SHANK2: variants seen among roughly 807,000 people sequenced by gnomAD.
SHANK2 encodes the protein SH3 and multiple ankyrin repeat domains 2.
SHANK2 carries 43 observed loss-of-function variants against 133.7 expected under a neutral mutation model. The ratio of observed to expected loss-of-function variants is 0.32; its 90% confidence interval spans 0.25 to 0.41. The LOEUF (loss-of-function observed/expected upper bound fraction) is 0.41. Among genes scored for constraint, SHANK2 ranks in the 10% least tolerant of loss-of-function variants. SHANK2 has a pLI of 1.00. For synonymous variants in SHANK2, 1,017 were observed against 952.8 expected, an observed-to-expected ratio of 1.07 and a Z score of -1.24; for missense variants, 1,994 against 2,235.8, an observed-to-expected ratio of 0.89 and a Z score of 2.18.
chr11:71,057,707 T>G, intron 9 of SHANK2, among the ~76,000 whole-genome samples: 1 of 151,296 alleles, frequency 6.6e-6, no homozygotes, highest in Non-Finnish European at 1.5e-5. Context: ...TGTGCCACCA[T>G]GCCCAGCTAA....
intron 14 of SHANK2, among the ~76,000 whole-genome samples, chr11:70,777,461 GC>G (rs1947391133): frequency 6.7e-6 from 1 of 148,608 alleles, no homozygotes; most frequent in South Asian, 2.2e-4. Flanking sequence ...TTCCAACCCT[GC>G]TAGCCCATTC....
rs1461670515 is a variant in SHANK2, at chr11:71,091,156, G to A, written c.912+1266C>T. 2.0e-5 allele frequency among the ~76,000 whole-genome samples: 3 copies of A among 152,106 alleles called. No homozygotes were observed. In the South Asian group the frequency reaches 6.2e-4, roughly 32 times the overall value. Reference sequence around the variant, plus strand: ...CAATAATGACAAGAAATCTCATGGCGGGTGCATGGAAGAGGACTTCCAAAG... The same window carrying A: ...CAATAATGACAAGAAATCTCATGGCAGGTGCATGGAAGAGGACTTCCAAAG... On this transcript the variant is annotated intron_variant, in intron 8 of 25. Transcript: ENST00000601538.
chr11:70,917,121 A>T (rs1950282135), intron 10 of SHANK2, among the ~76,000 whole-genome samples: 1 of 152,222 alleles, frequency 6.6e-6, no homozygotes, highest in Admixed American at 6.5e-5. Flanking sequence ...TGTCAGCTGA[A>T]CATCCCAGCC....
chr11:70,476,115 G>C (rs2058659859), intron 25 of SHANK2, among the ~76,000 whole-genome samples: 1 of 151,910 alleles, frequency 6.6e-6, no homozygotes, highest in Non-Finnish European at 1.5e-5. Context: ...TGTAATCCCA[G>C]CTACTGGGAG....
intron 15 of SHANK2, among the ~76,000 whole-genome samples, chr11:70,684,456 A>C (rs1232502054): frequency 1.3e-5 from 2 of 152,072 alleles, no homozygotes; most frequent in African/African-American, 4.8e-5. Context: ...GCTACTTGGG[A>C]GGCTGAGGTG....
intron 14 of SHANK2, among the ~76,000 whole-genome samples, chr11:70,707,320 C>T (rs552949857): frequency 1.4e-5 from 2 of 138,968 alleles, no homozygotes; most frequent in African/African-American, 5.5e-5. Context: ...TGCAGTGAGC[C>T]GAGATTGTGC....
rs574582281 is a variant in SHANK2 at position 70,486,828 on chromosome 11, G to A, written c.3465C>T (p.Asn1155=). 2 of 1,612,652 alleles carry A rather than the reference G, an allele frequency of 1.2e-6. No individual in the cohort carries two copies. Among genetic ancestry groups the A allele is most frequent in the Non-Finnish European group, 1.7e-6 (2 of 1,179,926 alleles). ...TGGCCTCGGCGCCACCCACGAAATG[G>A]TTTTCGGGCTCCCTGGGCGTGGCAC... The part of the protein sequence containing the change: ...MPSATPREPE[N]HFVGGAEASA... The change falls in exon 25 of 26, where the codon AAC becomes AAT. Residue 1155 remains asparagine (N), a synonymous_variant. Transcript: ENST00000601538. This position sits in a 1 kb window ranked among gnomAD's most constrained non-coding sequence, Gnocchi z 8.0.
chr11:70,703,908 C>G (rs1364198724), intron 14 of SHANK2, among the ~76,000 whole-genome samples: 1 of 152,264 alleles, frequency 6.6e-6, no homozygotes, highest in African/African-American at 2.4e-5. Context: ...CCCCTCCCCA[C>G]CTGACTGCCC....
intron 17 of SHANK2, among the ~76,000 whole-genome samples, chr11:70,610,470 C>T (rs533298754): frequency 2.0e-4 from 31 of 152,288 alleles, no homozygotes; most frequent in Non-Finnish European, 4.4e-4. Context: ...CCTGTGCCCC[C>T]GGCCAGTCCC....
chr11:70,890,861 G>C (rs1555074536), intron 11 of SHANK2, among the ~76,000 whole-genome samples: 1 of 152,070 alleles, frequency 6.6e-6, no homozygotes, highest in Non-Finnish European at 1.5e-5. Context: ...CTACTCAGGG[G>C]GCTGAGGCAG....
At chr11:70,660,094 C>T in intron 16 of SHANK2, 142 bp from the exon 17 acceptor site, 1 of 1,024,456 alleles carries the variant, frequency 9.8e-7, no homozygotes, top group Non-Finnish European at 1.5e-6. Context: ...AACTCTCCCC[C>T]AGGAAGGGCT....
intron 17 of SHANK2, among the ~76,000 whole-genome samples, chr11:70,526,430 C>A (rs2059397879): frequency 6.6e-6 from 1 of 152,222 alleles, no homozygotes; most frequent in Non-Finnish European, 1.5e-5. Context: ...CCTGCTTCAC[C>A]TTTCCACATG....
At chr11:70,503,479 G>A (rs2059090952) in intron 17 of SHANK2, among the ~76,000 whole-genome samples, 1 of 152,152 alleles carries the variant, frequency 6.6e-6, no homozygotes, top group Non-Finnish European at 1.5e-5. Flanking sequence ...CCAGAGGCCT[G>A]GGAAGGCAGA....
At chr11:70,810,618 C>A (rs367859054) in intron 12 of SHANK2, among the ~76,000 whole-genome samples, 1 of 152,256 alleles carries the variant, frequency 6.6e-6, no homozygotes, top group South Asian at 2.1e-4. Context: ...CTGAACCTCC[C>A]GTCACTCCCA....
At chr11:71,211,058 A>G (rs1954267402) in intron 2 of SHANK2, among the ~76,000 whole-genome samples, 1 of 152,110 alleles carries the variant, frequency 6.6e-6, no homozygotes, top group African/African-American at 2.4e-5. Context: ...GGGCTGCTGC[A>G]GCCCTAATTG....
At chr11:70,726,175 G>A (rs1270898814) in intron 14 of SHANK2, among the ~76,000 whole-genome samples, 1 of 152,124 alleles carries the variant, frequency 6.6e-6, no homozygotes, top group Non-Finnish European at 1.5e-5. Context: ...ATCTTACCCG[G>A]AACCTAACAC....
chr11:71,151,406 C>T (rs1555108069), intron 2 of SHANK2, among the ~76,000 whole-genome samples: 1 of 152,192 alleles, frequency 6.6e-6, no homozygotes, highest in African/African-American at 2.4e-5. Context: ...CGGCCTCACC[C>T]CTCAGCTTTG....
Position 70,535,936 on chromosome 11 carries a change from T to C in SHANK2, c.2062-33005A>G, listed in dbSNP as rs1211262325. ...AAAGGCACATAGCCCAGAATGGACA[T>C]GTGGCTCACCCGAGGCTGGTTGACT... On this transcript the variant is annotated intron_variant, in intron 17 of 25. Transcript: ENST00000601538. This position sits in a 1 kb window ranked among gnomAD's most constrained non-coding sequence, Gnocchi z 4.3. Among the ~76,000 whole-genome samples the C allele has an allele frequency of 2.0e-5, 3 of 152,224 alleles. No individual in the cohort carries two copies. Among genetic ancestry groups the C allele is most frequent in the Non-Finnish European group, 4.4e-5 (3 of 68,028 alleles).
chr11:70,737,307 C>T (rs782459401), intron 14 of SHANK2, among the ~76,000 whole-genome samples: 1 of 152,216 alleles, frequency 6.6e-6, no homozygotes. Context: ...CATTCACCTG[C>T]CTGATCTGCC....
Sources: allele counts gnomAD v4.1 joint callset (sites outside exome capture counted in the v4.1 genomes callset), GRCh38; gene constraint gnomAD v4.1.1; non-coding constraint Gnocchi (gnomAD v3.1); transcripts MANE v1.5; gene names NCBI Gene and HGNC (gene_info 2026-07-23, HGNC 2026-07-21).